HDAC9: variants seen among roughly 807,000 people sequenced by gnomAD.
HDAC9 encodes histone deacetylase 9.
Under a neutral mutation model 139.4 loss-of-function variants are expected in HDAC9, and 41 were observed. The ratio of observed to expected loss-of-function variants is 0.29; its 90% CI spans 0.23 to 0.38. HDAC9 has a LOEUF of 0.38. Among genes scored for constraint, HDAC9 ranks in the 10% least tolerant of loss-of-function variants. The probability of loss-of-function intolerance (pLI) is 1.00; values close to 1 mark genes in which losing one functional copy is unlikely to be tolerated. For missense variants in HDAC9, 1,147 were observed against 1,297.0 expected (o/e 0.88, Z 1.78); for synonymous variants, 517 against 476.2 (o/e 1.09, Z -1.12).
chr7:18,171,300 C>A (rs1035949819), intron 2 of HDAC9, among the ~76,000 whole-genome samples: 3 of 152,086 alleles, frequency 2.0e-5, no homozygotes, highest in Non-Finnish European at 2.9e-5. Context: ...GATTTTGTAT[C>A]CTGAGACTTT....
chr7:18,134,680 C>T (rs1457425559), intron 1 of HDAC9, among the ~76,000 whole-genome samples: 1 of 152,070 alleles, frequency 6.6e-6, no homozygotes, highest in African/African-American at 2.4e-5. Flanking sequence ...TAGTTCTCAC[C>T]CTCATCTCCA....
intron 2 of HDAC9, among the ~76,000 whole-genome samples, chr7:18,205,716 A>C (rs1311998327): frequency 6.6e-6 from 1 of 151,928 alleles, no homozygotes; most frequent in Admixed American, 6.6e-5. Flanking sequence ...CATCTTTTTA[A>C]TTTTCTAATT....
intron 2 of HDAC9, among the ~76,000 whole-genome samples, chr7:18,242,753 C>T (rs1474814136): frequency 1.3e-5 from 2 of 152,146 alleles, no homozygotes; most frequent in Non-Finnish European, 2.9e-5. Flanking sequence ...AGGTGCTTCT[C>T]TCACATTTTC....
At chr7:18,155,636 A>G (rs929508146) in intron 1 of HDAC9, among the ~76,000 whole-genome samples, 3 of 152,176 alleles carry the variant, frequency 2.0e-5, no homozygotes, top group Non-Finnish European at 4.4e-5. Flanking sequence ...TGGTTCTCCT[A>G]AAAGTCTTAG....
upstream of HDAC9, among the ~76,000 whole-genome samples, chr7:18,491,570 A>G (rs1796371578): frequency 6.6e-6 from 1 of 152,038 alleles, no homozygotes. Flanking sequence ...TTACCCAAAG[A>G]ACCGAGATCC....
rs1392976651 is a variant in HDAC9 at position 18,138,455 on chromosome 7, G to A, written c.-96-23774G>A. ...TAGGAGATGGAGGGAGTGTGGAATA[G>A]AGATGAGAGGGAGAGAAAGAAATGG... is the stretch of plus-strand genomic sequence containing the variant. On this transcript the variant is annotated intron_variant, in intron 1 of 12. Transcript: ENST00000417496. Among the ~76,000 whole-genome samples the A allele has an allele frequency of 2.0e-5, 3 of 151,986 alleles. No homozygotes were observed. In the East Asian group the frequency reaches 5.8e-4, roughly 29 times the overall value.
chr7:18,353,873 A>G (rs957606456), intron 1 of HDAC9, among the ~76,000 whole-genome samples: 2 of 152,210 alleles, frequency 1.3e-5, no homozygotes, highest in African/African-American at 4.8e-5. Flanking sequence ...CACAAAGAGC[A>G]TGGACTTATT....
chr7:18,481,649 T>A (rs1795561293), intron 1 of HDAC9, among the ~76,000 whole-genome samples: 1 of 152,192 alleles, frequency 6.6e-6, no homozygotes. Flanking sequence ...GAAAAGATGA[T>A]AAAATGATGT....
intron 1 of HDAC9, among the ~76,000 whole-genome samples, chr7:18,382,937 A>G (rs992913238): frequency 5.3e-5 from 8 of 152,222 alleles, no homozygotes; most frequent in African/African-American, 1.9e-4. Flanking sequence ...ACACACACAC[A>G]TATTTTCTTT....
chr7:18,696,682 A>C (rs1783075600), intron 12 of HDAC9, among the ~76,000 whole-genome samples: 1 of 151,948 alleles, frequency 6.6e-6, no homozygotes, highest in Non-Finnish European at 1.5e-5. Context: ...GTTGGCCAGG[A>C]TGGTCTCCAT....
chr7:18,242,131 A>G (rs1794228611), intron 2 of HDAC9, among the ~76,000 whole-genome samples: 1 of 151,616 alleles, frequency 6.6e-6, no homozygotes, highest in African/African-American at 2.4e-5. Flanking sequence ...TCATTCCCCA[A>G]TACACAGCAT....
chr7:18,211,370 T>A (rs2128168379), intron 2 of HDAC9, among the ~76,000 whole-genome samples: 1 of 152,288 alleles, frequency 6.6e-6, no homozygotes, highest in South Asian at 2.1e-4. Context: ...AGGTGAACTT[T>A]GAGCTTGATA....
intron 1 of HDAC9, among the ~76,000 whole-genome samples, chr7:18,380,394 A>G (rs1785325601): frequency 6.6e-6 from 1 of 152,216 alleles, no homozygotes; most frequent in Admixed American, 6.5e-5. Flanking sequence ...AAGAGTGTCA[A>G]ATTAAATTGT....
intron 1 of HDAC9, among the ~76,000 whole-genome samples, chr7:18,452,151 T>C (rs1265751060): frequency 6.6e-6 from 1 of 152,026 alleles, no homozygotes; most frequent in African/African-American, 2.4e-5. Flanking sequence ...AAGATAGAAT[T>C]CCAAGGTCAA....
chr7:18,590,667 A>G (rs1417604151), intron 4 of HDAC9, among the ~76,000 whole-genome samples, 181 bp downstream of exon 4: 3 of 152,216 alleles, frequency 2.0e-5, no homozygotes, highest in Non-Finnish European at 2.9e-5. Context: ...CACATCATTG[A>G]GTCTGCAGAG....
At chr7:18,497,293 C>T (rs912628936) in intron 2 of HDAC9, among the ~76,000 whole-genome samples, 6 of 152,100 alleles carry the variant, frequency 3.9e-5, no homozygotes, top group Admixed American at 2.6e-4. Flanking sequence ...TATAGATCAC[C>T]GCCTAGATTT....
At chr7:18,799,531 A>T (rs569543320) in intron 17 of HDAC9, among the ~76,000 whole-genome samples, 4 of 152,334 alleles carry the variant, frequency 2.6e-5, no homozygotes, top group African/African-American at 9.6e-5. Flanking sequence ...ATGTCTAAAG[A>T]TTGTATGAGG....
chr7:18,527,980 T>C (rs1452668516), intron 2 of HDAC9, among the ~76,000 whole-genome samples: 2 of 151,952 alleles, frequency 1.3e-5, no homozygotes, highest in Non-Finnish European at 2.9e-5. Flanking sequence ...AAAATACACA[T>C]TTGGTACCTT....
At chr7:18,577,846 A>C (rs1329268784) in intron 2 of HDAC9, among the ~76,000 whole-genome samples, 1 of 152,174 alleles carries the variant, frequency 6.6e-6, no homozygotes, top group Non-Finnish European at 1.5e-5. Flanking sequence ...CTGTGGTAAA[A>C]TTTGTTGGGG....
Sources: allele counts gnomAD v4.1 joint callset (sites outside exome capture counted in the v4.1 genomes callset), GRCh38; gene constraint gnomAD v4.1.1; transcripts MANE v1.5; gene names NCBI Gene and HGNC (gene_info 2026-07-23, HGNC 2026-07-21).